ERBB4: variants seen among roughly 807,000 people sequenced by gnomAD.
ERBB4 encodes the protein erb-b2 receptor tyrosine kinase 4.
In ERBB4, 42 loss-of-function variants were observed where a neutral mutation model predicts 158.0. The ratio of observed to expected loss-of-function variants is 0.27; its 90% CI spans 0.21 to 0.34. ERBB4 has a LOEUF of 0.34. ERBB4 is among the 10% of genes least tolerant of loss of function. ERBB4 has a pLI of 1.00. For missense variants in ERBB4, 1,333 were observed against 1,624.1 expected, an observed-to-expected ratio of 0.82 and a Z score of 3.08; for synonymous variants, 583 against 558.7, an observed-to-expected ratio of 1.04 and a Z score of -0.61.
intron 2 of ERBB4, among the ~76,000 whole-genome samples, chr2:212,034,724 G>T (rs575572029): frequency 4.6e-5 from 7 of 152,190 alleles, no homozygotes; most frequent in African/African-American, 1.7e-4. Context: ...ATATAGTCAA[G>T]ATTCTTTAGC....
intron 19 of ERBB4, among the ~76,000 whole-genome samples, chr2:211,603,311 C>T (rs1314605706): frequency 1.3e-5 from 2 of 151,982 alleles, no homozygotes; most frequent in Non-Finnish European, 2.9e-5. Flanking sequence ...GATAGATTTC[C>T]TGTAAGTATC....
chr2:212,460,766 G>A (rs181275760), intron 1 of ERBB4, among the ~76,000 whole-genome samples: 40 of 152,318 alleles, frequency 2.6e-4, no homozygotes, highest in South Asian at 8.3e-4. Context: ...AATTTCTGAG[G>A]AGAAATTCCA....
At chr2:211,738,031 G>A (rs2074660190) in intron 5 of ERBB4, among the ~76,000 whole-genome samples, 1 of 150,840 alleles carries the variant, frequency 6.6e-6, no homozygotes, top group Non-Finnish European at 1.5e-5. Flanking sequence ...GATAATCTAA[G>A]TGTTAAAATA....
At chr2:212,182,877 A>C (rs2081913663) in intron 1 of ERBB4, among the ~76,000 whole-genome samples, 1 of 6,260 alleles carries the variant, frequency 1.6e-4, no homozygotes, top group Non-Finnish European at 6.3e-4. Flanking sequence ...AGTTGGGTTG[A>C]GGTTTTTTTT....
chr2:211,585,753 C>T (rs1004360555), intron 19 of ERBB4, among the ~76,000 whole-genome samples: 5 of 152,004 alleles, frequency 3.3e-5, no homozygotes, highest in African/African-American at 1.2e-4. Context: ...TTAGGTAAAG[C>T]ATAGGTACCT....
At chr2:212,274,738 C>G (rs1214694099) in intron 1 of ERBB4, among the ~76,000 whole-genome samples, 2 of 151,520 alleles carry the variant, frequency 1.3e-5, no homozygotes, top group African/African-American at 4.8e-5. Flanking sequence ...CTAGTATCTA[C>G]AATATTTTAT....
At chr2:212,039,842 A>AAAAAG (rs564872169) in intron 2 of ERBB4, among the ~76,000 whole-genome samples, 30 of 152,050 alleles carry the variant, frequency 2.0e-4, no homozygotes, top group Admixed American at 1.8e-3. Context: ...CCACCACAAA[A>AAAAAG]AAAAGAAAAG....
intron 20 of ERBB4, among the ~76,000 whole-genome samples, chr2:211,444,050 C>T (rs1037747259): frequency 3.9e-5 from 6 of 152,014 alleles, no homozygotes; most frequent in Admixed American, 1.3e-4. Flanking sequence ...CCTGATAATG[C>T]TGTCTTTCCT....
intron 2 of ERBB4, among the ~76,000 whole-genome samples, chr2:212,091,043 G>T (rs2078759542): frequency 1.3e-5 from 2 of 152,122 alleles, no homozygotes; most frequent in South Asian, 4.2e-4. Context: ...TTCCCAGCAG[G>T]AGTTCATAAC....
intron 16 of ERBB4, among the ~76,000 whole-genome samples, chr2:211,632,182 G>C (rs974834403): frequency 6.6e-6 from 1 of 151,970 alleles, no homozygotes; most frequent in Non-Finnish European, 1.5e-5. Flanking sequence ...TTCTAAATGG[G>C]ATTTTCTAAA....
intron 19 of ERBB4, among the ~76,000 whole-genome samples, chr2:211,563,694 G>A (rs2067468926): frequency 6.6e-6 from 1 of 152,138 alleles, no homozygotes; most frequent in African/African-American, 2.4e-5. Context: ...TTTGATCTTA[G>A]AAGATCCTGA....
intron 2 of ERBB4, among the ~76,000 whole-genome samples, chr2:212,100,747 A>G (rs771955383): frequency 4.6e-5 from 7 of 152,210 alleles, no homozygotes; most frequent in Non-Finnish European, 1.0e-4. Flanking sequence ...AGAAGCAATT[A>G]TTCTGCCTGA....
At chr2:211,858,216 G>A (rs1198284126) in intron 3 of ERBB4, among the ~76,000 whole-genome samples, 1 of 152,098 alleles carries the variant, frequency 6.6e-6, no homozygotes, top group Non-Finnish European at 1.5e-5. Flanking sequence ...ACCAAGAGAT[G>A]GAGGTTTCAA....
At chr2:212,261,488 C>G (rs2084942712) in intron 1 of ERBB4, among the ~76,000 whole-genome samples, 1 of 152,136 alleles carries the variant, frequency 6.6e-6, no homozygotes, top group Admixed American at 6.6e-5. Context: ...AAGATAACGT[C>G]CTGGACAAGA....
intron 2 of ERBB4, among the ~76,000 whole-genome samples, chr2:212,041,250 T>C (rs2077134461): frequency 6.6e-6 from 1 of 152,180 alleles, no homozygotes; most frequent in Non-Finnish European, 1.5e-5. Context: ...TATAGCTGCC[T>C]ACCACTAGCT....
chr2:212,127,013 A>C (rs974855655), intron 1 of ERBB4, among the ~76,000 whole-genome samples: 4 of 152,282 alleles, frequency 2.6e-5, no homozygotes, highest in African/African-American at 9.6e-5. Flanking sequence ...GGATTTCTAA[A>C]GTTCACCAAA....
At chr2:212,384,123 C>CAT (rs2090597846) in intron 1 of ERBB4, among the ~76,000 whole-genome samples, 1 of 151,636 alleles carries the variant, frequency 6.6e-6, no homozygotes, top group Non-Finnish European at 1.5e-5. Flanking sequence ...GCTACAAACT[C>CAT]TTAATAAGCA....
intron 2 of ERBB4, among the ~76,000 whole-genome samples, chr2:212,003,169 G>GA (rs1440775877): frequency 3.5e-5 from 1 of 28,800 alleles, no homozygotes; most frequent in South Asian, 1.5e-3. Flanking sequence ...AAGAAAGAAA[G>GA]AAAGAAAGAA....
intron 12 of ERBB4, among the ~76,000 whole-genome samples, chr2:211,697,187 G>A (rs773341598): frequency 3.9e-5 from 6 of 152,152 alleles, no homozygotes; most frequent in Non-Finnish European, 8.8e-5. Context: ...TAGCTAGGTT[G>A]AGAGATAGAG....
Sources: gnomAD v4.1 joint callset for allele counts (sites outside exome capture counted in the v4.1 genomes callset) on GRCh38, gnomAD v4.1.1 for gene constraint, MANE v1.5 for transcripts, NCBI Gene and HGNC (gene_info 2026-07-23, HGNC 2026-07-21) for gene names.